The following NME7 variants were observed in gnomAD, a reference collection of about 807,000 sequenced individuals.
NME7 encodes nucleoside diphosphate kinase 7.
In NME7, 41 loss-of-function variants were observed where a neutral mutation model predicts 49.1. The ratio of observed to expected loss-of-function variants is 0.83; its 90% CI spans 0.65 to 1.08. The LOEUF is 1.08. Ranked by LOEUF, NME7 falls within the 50% of genes least tolerant of loss-of-function variation. The pLI is 0.00. For missense variants in NME7, 423 were observed against 463.4 expected, an observed-to-expected ratio of 0.91 and a Z score of 0.80; for synonymous variants, 139 against 150.6, an observed-to-expected ratio of 0.92 and a Z score of 0.56.
chr1:169,171,527 C>A (rs1659589354), intron 10 of NME7, among the ~76,000 whole-genome samples: 1 of 152,148 alleles, frequency 6.6e-6, no homozygotes, highest in Non-Finnish European at 1.5e-5. Context: ...CTTTGGGAGG[C>A]CGAGGCGGGT....
chr1:169,262,594 G>A (rs569238009), intron 7 of NME7, among the ~76,000 whole-genome samples: 1 of 132,980 alleles, frequency 7.5e-6, no homozygotes, highest in Non-Finnish European at 1.8e-5. Context: ...AAGGCAGCAG[G>A]GGAACACAGA....
Position 169,274,023 on chromosome 1 carries a change from TC to T in NME7, c.754+13279del, listed in dbSNP as rs978274191. Among the ~76,000 whole-genome samples, 40 of 131,714 alleles carry T rather than the reference TC, an allele frequency of 3.0e-4. 4 individuals carry two copies. Among genetic ancestry groups the T allele is most frequent in the African/African-American group, 9.7e-4 (38 of 39,088 alleles). The allele number at this position is 131,714 out of a possible 152,430, so 86.4% of individuals were successfully genotyped here. The stretch of plus-strand genomic sequence containing the variant: ...GTCAAATGGTATTTCTAGTTCTAGA[TC>T]CCTGAGGAATCGCCACACTGACTTC... On this transcript the variant is annotated intron_variant, in intron 7 of 11. Transcript: ENST00000367811.
chr1:169,326,308 T>C (rs565048059), intron 1 of NME7, among the ~76,000 whole-genome samples: 6 of 152,140 alleles, frequency 3.9e-5, no homozygotes, highest in Non-Finnish European at 7.4e-5. Flanking sequence ...TATGACAAAG[T>C]AGCTCACAGC....
At chr1:169,176,067 A>G (rs1263032940) in intron 10 of NME7, among the ~76,000 whole-genome samples, 1 of 152,110 alleles carries the variant, frequency 6.6e-6, no homozygotes, top group African/African-American at 2.4e-5. Flanking sequence ...TCTTACCAAA[A>G]CTGACCCATC....
rs1422519342 is a variant in NME7 at position 169,258,405 on chromosome 1, T to TATATATATAC, written c.755-20719_755-20718insGTATATATAT. 2.9e-3 allele frequency among the ~76,000 whole-genome samples: 197 copies of TATATATATAC among 68,734 alleles called. 5 individuals are homozygous for TATATATATAC. The highest frequency in any genetic ancestry group is 9.7e-3 in the African/African-American group (185 of 18,994). 45.1% of individuals were successfully genotyped at this position (68,734 alleles called of 152,430 possible). On this transcript the variant is annotated intron_variant, in intron 7 of 11. Coordinates refer to ENST00000367811, the MANE Select transcript of NME7 (RefSeq NM_013330.5). ...ATATATATATATATATATATATATA[T>TATATATATAC]ACACACACACACACACACATACACA...
chr1:169,273,658 G>A (rs1382500576), intron 7 of NME7, among the ~76,000 whole-genome samples: 1 of 126,646 alleles, frequency 7.9e-6, no homozygotes, highest in African/African-American at 2.7e-5. Context: ...TCCCCTTCCT[G>A]TGTCCATGTG....
At chr1:169,298,432 T>C in intron 6 of NME7, 124 bp downstream of exon 6, 1 of 931,526 alleles carries the variant, frequency 1.1e-6, no homozygotes, top group Non-Finnish European at 1.6e-6. Flanking sequence ...TGTCAAAGGT[T>C]TTCTCTACTA....
chr1:169,326,353 T>C (rs1035171949), intron 1 of NME7, among the ~76,000 whole-genome samples: 1 of 152,038 alleles, frequency 6.6e-6, no homozygotes, highest in African/African-American at 2.4e-5. Flanking sequence ...ACTAGAAAAG[T>C]AGGATATCAA....
At chr1:169,353,507 C>T (rs1374499919) in intron 1 of NME7, among the ~76,000 whole-genome samples, 1 of 151,994 alleles carries the variant, frequency 6.6e-6, no homozygotes, top group Non-Finnish European at 1.5e-5. Flanking sequence ...TTCTTGACCA[C>T]CACCACACAG....
At chr1:169,132,939 A>AGTT in intron 11 of NME7, 122 bp from the exon 12 acceptor site, 1 of 640,202 alleles carries the variant, frequency 1.6e-6, no homozygotes, top group South Asian at 2.1e-5. Flanking sequence ...AGACACTAAA[A>AGTT]GTTAATCAAT....
At chr1:169,178,820 C>CTTT (rs57619644) in intron 10 of NME7, among the ~76,000 whole-genome samples, 2,870 of 124,310 alleles carry the variant, frequency 0.023, 161 homozygotes, top group African/African-American at 0.078. Flanking sequence ...GAAACCTCTT[C>CTTT]TTTTTTTTTT....
intron 10 of NME7, among the ~76,000 whole-genome samples, chr1:169,179,017 C>T (rs1659851017): frequency 6.6e-6 from 1 of 151,978 alleles, no homozygotes; most frequent in South Asian, 2.1e-4. Context: ...GATGGGGTTT[C>T]ACCATGTTGG....
intron 11 of NME7, among the ~76,000 whole-genome samples, chr1:169,167,977 C>A (rs1464314261): frequency 6.6e-6 from 1 of 152,150 alleles, no homozygotes; most frequent in Non-Finnish European, 1.5e-5. Context: ...AGGTGATGGT[C>A]AGGTGGTTGT....
intron 10 of NME7, among the ~76,000 whole-genome samples, chr1:169,171,973 A>C (rs1659609678): frequency 1.3e-5 from 2 of 152,088 alleles, no homozygotes; most frequent in Non-Finnish European, 2.9e-5. Context: ...CTTTAGCTCA[A>C]GCCCCACATT....
chr1:169,362,122 C>T (rs554390595), intron 1 of NME7, among the ~76,000 whole-genome samples: 5 of 150,646 alleles, frequency 3.3e-5, no homozygotes, highest in Non-Finnish European at 7.4e-5. Context: ...GCAGGAGAAT[C>T]GCTTGAACCC....
At chr1:169,203,883 G>T (rs1660612534) in intron 10 of NME7, among the ~76,000 whole-genome samples, 1 of 152,078 alleles carries the variant, frequency 6.6e-6, no homozygotes, top group Non-Finnish European at 1.5e-5. Flanking sequence ...TTGAGACAGG[G>T]TCTTGCTCTG....
In NME7 at chr1:169,323,835, C is replaced by CTT. The variant is rs33970981; in HGVS notation, c.112-554_112-553dup. Among the ~76,000 whole-genome samples the CTT allele has an allele frequency of 6.1e-4, 51 of 84,296 alleles. 1 individual carries two copies. Among genetic ancestry groups the CTT allele is most frequent in the South Asian group, 1.4e-3 (3 of 2,136 alleles). The allele number at this position is 84,296 out of a possible 152,430, so 55.3% of individuals were successfully genotyped here. On this transcript the variant is annotated intron_variant, in intron 2 of 11. Coordinates refer to ENST00000367811, the MANE Select transcript of NME7 (RefSeq NM_013330.5). ...AAAACATGAATAATCCCATTTCAGT[C>CTT]TTTTTTTTTTTTTTTTTTTTTTTTT...
Position 169,273,629 on chromosome 1 carries a change from A to C in NME7, c.754+13674T>G, listed in dbSNP as rs200872005. Among the ~76,000 whole-genome samples, 896 of 115,950 alleles carry C rather than the reference A, an allele frequency of 7.7e-3. 5 individuals carry two copies. The highest frequency in any genetic ancestry group is 0.012 in the Non-Finnish European group (596 of 47,736). The allele number at this position is 115,950 out of a possible 152,430, so 76.1% of individuals were successfully genotyped here. On this transcript the variant is annotated intron_variant, in intron 7 of 11. Coordinates refer to ENST00000367811, the MANE Select transcript of NME7 (RefSeq NM_013330.5). ...CTCCCCACTCCCCCTACCCCACAAC[A>C]GTCCCCAGAGTGTGATGTTCCCCTT...
intron 1 of NME7, 102 bp downstream of exon 1, chr1:169,367,606 T>G: frequency 7.6e-7 from 1 of 1,321,304 alleles, no homozygotes; most frequent in Non-Finnish European, 1.1e-6. Flanking sequence ...GGGGAGAAGG[T>G]CGGGAGGACC....
Sources: gnomAD v4.1 joint callset for allele counts (sites outside exome capture counted in the v4.1 genomes callset) on GRCh38, gnomAD v4.1.1 for gene constraint, MANE v1.5 for transcripts, NCBI Gene and HGNC (gene_info 2026-07-23, HGNC 2026-07-21) for gene names.